UGT8: variants seen among roughly 807,000 people sequenced by gnomAD.
UGT8 encodes 2-hydroxyacylsphingosine 1-beta-galactosyltransferase.
A neutral mutation model predicts 40.5 loss-of-function variants in UGT8; 12 were observed. The ratio of observed to expected loss-of-function variants is 0.30; its 90% CI spans 0.19 to 0.48. The LOEUF (loss-of-function observed/expected upper bound fraction) is 0.48. Ranked by LOEUF, UGT8 falls within the 20% of genes least tolerant of loss-of-function variation. UGT8 has a pLI of 0.99. For synonymous variants in UGT8, 224 were observed against 240.4 expected (o/e 0.93, Z 0.63); for missense variants, 513 against 648.7 (o/e 0.79, Z 2.27).
intron 2 of UGT8, among the ~76,000 whole-genome samples, chr4:114,625,323 G>GA (rs1405734359): frequency 6.6e-6 from 1 of 151,890 alleles, no homozygotes; most frequent in Non-Finnish European, 1.5e-5. Flanking sequence ...GACCAGCCTG[G>GA]ACAACATAGT....
intron 2 of UGT8, among the ~76,000 whole-genome samples, chr4:114,637,219 T>G (rs1732938872): frequency 6.6e-6 from 1 of 152,186 alleles, no homozygotes. Flanking sequence ...GGCAGCATTT[T>G]CATCTGCATC....
At chr4:114,647,093 C>G (rs899890711) in intron 2 of UGT8, among the ~76,000 whole-genome samples, 6 of 152,084 alleles carry the variant, frequency 3.9e-5, no homozygotes, top group African/African-American at 1.2e-4. Context: ...ATAATTTATT[C>G]TTTTTAGAAA....
intron 4 of UGT8, 97 bp downstream of exon 4, chr4:114,665,853 T>TA: frequency 1.1e-6 from 1 of 931,990 alleles, no homozygotes; most frequent in Non-Finnish European, 1.6e-6. Context: ...TCATACGGTA[T>TA]ACGGTATGTA....
At chr4:114,611,426 A>G (rs1168402156) in intron 1 of UGT8, among the ~76,000 whole-genome samples, 1 of 35,872 alleles carries the variant, frequency 2.8e-5, no homozygotes, top group Non-Finnish European at 8.7e-5. Flanking sequence ...ATATATATAT[A>G]TATATATATA....
intron 2 of UGT8, among the ~76,000 whole-genome samples, chr4:114,634,263 T>C (rs1732754600): frequency 6.6e-6 from 1 of 152,170 alleles, no homozygotes; most frequent in African/African-American, 2.4e-5. Flanking sequence ...ATATTGAATT[T>C]GAGAAACCTG....
chr4:114,643,979 T>TTG (rs1733391448), intron 2 of UGT8, among the ~76,000 whole-genome samples: 1 of 152,168 alleles, frequency 6.6e-6, no homozygotes, highest in African/African-American at 2.4e-5. Context: ...GTGTGAACAA[T>TTG]TGCAGCGCCT....
intron 2 of UGT8, 103 bp downstream of exon 2, chr4:114,623,805 A>T: frequency 7.2e-7 from 1 of 1,386,794 alleles, no homozygotes; most frequent in South Asian, 1.7e-5. Context: ...GTATATATAC[A>T]GTACACTAAA....
chr4:114,676,197 A>G lies in UGT8; in HGVS notation c.1535A>G (p.His512Arg), dbSNP rs183262188. 50 of 1,614,192 alleles carry G rather than the reference A, an allele frequency of 3.1e-5. No individual in the cohort carries two copies. The Admixed American group carries it at 6.8e-4, about 22-fold the overall frequency. Residue 512 changes from histidine to arginine, a missense_variant, in exon 6 of 6, where the codon CAT (histidine) becomes CGT (arginine). This residue lies in a region of UGT8 where 175 missense variants were observed against 186.7 expected (regional missense o/e 0.94). Transcript: ENST00000310836. Reference protein sequence around the residue: ...KIKSLWSRNKHSTVNGHYHNG... With the variant: ...KIKSLWSRNKRSTVNGHYHNG... ...AAAAGTCTGTGGTCTAGAAATAAGCATAGCACAGTTAATGGACATTACCAC... is the reference window on the plus strand; with the variant it reads ...AAAAGTCTGTGGTCTAGAAATAAGCGTAGCACAGTTAATGGACATTACCAC...
At chr4:114,668,446 G>A in intron 5 of UGT8, 142 bp downstream of exon 5, 1 of 762,326 alleles carries the variant, frequency 1.3e-6, no homozygotes, top group Non-Finnish European at 2.1e-6. Context: ...CTTTGTGCAT[G>A]TTTTCTATTA....
intron 1 of UGT8, among the ~76,000 whole-genome samples, chr4:114,617,324 G>A (rs1002808717): frequency 1.3e-5 from 2 of 152,162 alleles, no homozygotes; most frequent in Non-Finnish European, 2.9e-5. Flanking sequence ...CGTTTTGGAT[G>A]TGCACCCCAA....
At chr4:114,611,535 A>AT (rs1232348797) in intron 1 of UGT8, among the ~76,000 whole-genome samples, 9 of 43,736 alleles carry the variant, frequency 2.1e-4, no homozygotes, top group South Asian at 1.5e-3. Flanking sequence ...ATCCATATAT[A>AT]TATATATATA....
chr4:114,668,305 G>T lies in UGT8; in HGVS notation c.1262+1G>T, dbSNP rs746863094. 1.2e-6 allele frequency: 2 copies of T among 1,613,042 alleles called. No homozygotes were observed. The highest frequency in any genetic ancestry group is 1.7e-6 in the Non-Finnish European group (2 of 1,179,306). On this transcript the variant is annotated splice_donor_variant, in intron 5 of 5. Transcript: ENST00000310836. LOFTEE classifies it high-confidence loss of function. ...TAGTGAAGGTTATCAATAATCCCAG[G>T]TAAGGTTTCAATTAACATTAAAGCT...
At chr4:114,610,822 T>C (rs1469899990) in intron 1 of UGT8, among the ~76,000 whole-genome samples, 2 of 152,132 alleles carry the variant, frequency 1.3e-5, no homozygotes, top group Non-Finnish European at 2.9e-5. Flanking sequence ...GTTTGAGAGA[T>C]TACATGAAAA....
At chr4:114,608,902 T>C (rs1042010178) in intron 1 of UGT8, among the ~76,000 whole-genome samples, 1 of 152,210 alleles carries the variant, frequency 6.6e-6, no homozygotes, top group Non-Finnish European at 1.5e-5. Context: ...ATTCTAATTG[T>C]CCAACTCCCC....
At chr4:114,634,070 G>T (rs1732741388) in intron 2 of UGT8, among the ~76,000 whole-genome samples, 1 of 152,216 alleles carries the variant, frequency 6.6e-6, no homozygotes. Context: ...TGCAGAGATG[G>T]TGAGAAGTGG....
upstream of UGT8, chr4:114,598,465 C>A (rs1396356509): frequency 6.6e-6 from 1 of 152,246 alleles, no homozygotes; most frequent in East Asian, 1.9e-4. Flanking sequence ...AAGCCAACCT[C>A]GCTCAGCGGA....
At chr4:114,653,938 A>T (rs747579481) in intron 2 of UGT8, among the ~76,000 whole-genome samples, 3 of 152,034 alleles carry the variant, frequency 2.0e-5, no homozygotes, top group Non-Finnish European at 4.4e-5. Flanking sequence ...GACCAGCAAA[A>T]GTTTGTTAAC....
chr4:114,673,697 T>C (rs1735444647), intron 5 of UGT8, among the ~76,000 whole-genome samples: 1 of 152,244 alleles, frequency 6.6e-6, no homozygotes, highest in Non-Finnish European at 1.5e-5. Context: ...TTCTTTTCCA[T>C]CTTTGTTAAA....
At chr4:114,670,295 G>A (rs1735157194) in intron 5 of UGT8, among the ~76,000 whole-genome samples, 1 of 151,894 alleles carries the variant, frequency 6.6e-6, no homozygotes. Context: ...GCCGGGCATG[G>A]TGATGGGCAC....
Sources: gnomAD v4.1 joint callset for allele counts (sites outside exome capture counted in the v4.1 genomes callset) on GRCh38, gnomAD v4.1.1 for gene constraint, gnomAD v4.1.1 regional missense constraint, MANE v1.5 for transcripts, NCBI Gene and HGNC (gene_info 2026-07-23, HGNC 2026-07-21) for gene names.